Variants in RAB3IL1 observed in about 807,000 individuals in gnomAD.
The protein encoded by RAB3IL1 is guanine nucleotide exchange factor for Rab-3A.
In RAB3IL1, 37 loss-of-function variants were observed where a neutral mutation model predicts 49.2. The observed-to-expected ratio is 0.75, with a 90% confidence interval of 0.58 to 0.99. RAB3IL1 has a LOEUF of 0.99. Ranked by LOEUF, RAB3IL1 falls within the 50% of genes least tolerant of loss-of-function variation. The probability of loss-of-function intolerance (pLI) is 0.00; values close to 1 mark genes in which losing one functional copy is unlikely to be tolerated. For missense variants in RAB3IL1, 484 were observed against 513.0 expected (o/e 0.94, Z 0.55); for synonymous variants, 193 against 213.9 (o/e 0.90, Z 0.85).
the RAB3IL1 span, among the ~76,000 whole-genome samples, chr11:61,927,225 C>T: frequency 6.6e-6 from 1 of 152,128 alleles, no homozygotes; most frequent in Non-Finnish European, 1.5e-5. Flanking sequence ...TGCATGCCCC[C>T]CCCTTAACCT....
chr11:61,907,630 G>A lies in RAB3IL1; in HGVS notation c.295C>T (p.Arg99Trp), dbSNP rs1342632283. Reference sequence around the variant, plus strand: ...AGCTGCTCCCGCACCTTGGACAGCCGCTCACATTCCTCGTCCTTTAGCTTC... The same window carrying A: ...AGCTGCTCCCGCACCTTGGACAGCCACTCACATTCCTCGTCCTTTAGCTTC... ...ELKLKDEECE[R>W]LSKVREQLEQ... is the part of the protein sequence containing the mutation. Residue 99 changes from arginine (R) to tryptophan (W), a missense_variant, in exon 3 of 10, where the codon CGG becomes TGG. Transcript: ENST00000394836. The A allele has an allele frequency of 2.5e-6, 4 of 1,613,920 alleles. No homozygotes were observed. Among genetic ancestry groups the A allele is most frequent in the African/African-American group, 1.3e-5 (1 of 74,882 alleles).
chr11:61,926,800 G>A, the RAB3IL1 span, among the ~76,000 whole-genome samples: 3 of 151,902 alleles, frequency 2.0e-5, no homozygotes, highest in Admixed American at 6.6e-5. Context: ...TGATCTGCCC[G>A]CCTCGGCCTC....
upstream of RAB3IL1, among the ~76,000 whole-genome samples, chr11:61,919,007 C>T (rs1015127837): frequency 7.2e-5 from 11 of 152,224 alleles, no homozygotes; most frequent in Non-Finnish European, 1.3e-4. Flanking sequence ...CAGATGTCCA[C>T]ATGTGTTTGC....
chr11:61,939,977 A>G, the RAB3IL1 span, among the ~76,000 whole-genome samples: 1 of 150,720 alleles, frequency 6.6e-6, no homozygotes, highest in South Asian at 2.1e-4. Flanking sequence ...AAAAGGAACG[A>G]AAGTAGAAAA....
the RAB3IL1 span, among the ~76,000 whole-genome samples, chr11:61,941,844 G>A: frequency 2.6e-5 from 4 of 152,154 alleles, no homozygotes; most frequent in African/African-American, 9.7e-5. Flanking sequence ...CCAGCAACAT[G>A]TTAAAAAGAT....
the RAB3IL1 span, among the ~76,000 whole-genome samples, chr11:61,946,075 C>G: frequency 6.6e-6 from 1 of 152,190 alleles, no homozygotes; most frequent in African/African-American, 2.4e-5. Context: ...CTTCCGGGCC[C>G]TGGACTGGCA....
chr11:61,926,430 A>C, the RAB3IL1 span, among the ~76,000 whole-genome samples: 3 of 152,320 alleles, frequency 2.0e-5, no homozygotes, highest in South Asian at 6.2e-4. Context: ...TTGTCCCTCC[A>C]AATTTCACAT....
intron 1 of RAB3IL1, among the ~76,000 whole-genome samples, chr11:61,914,114 G>C (rs576692747): frequency 1.3e-5 from 2 of 152,164 alleles, no homozygotes; most frequent in African/African-American, 4.8e-5. Context: ...CTTGTCTCAC[G>C]GCCTCTAGTC....
the RAB3IL1 span, among the ~76,000 whole-genome samples, chr11:61,939,957 CAAA>C: frequency 8.2e-6 from 1 of 121,908 alleles, no homozygotes; most frequent in Non-Finnish European, 1.7e-5. Flanking sequence ...GACTCTGTCT[CAAA>C]AAAAAAAAAA....
At chr11:61,934,537 A>G in the RAB3IL1 span, among the ~76,000 whole-genome samples, 1 of 144,400 alleles carries the variant, frequency 6.9e-6, no homozygotes, top group Non-Finnish European at 1.5e-5. Context: ...TGCAAATGGT[A>G]TAGTAGAAAA....
the RAB3IL1 span, among the ~76,000 whole-genome samples, chr11:61,928,682 A>G: frequency 6.6e-6 from 1 of 152,220 alleles, no homozygotes; most frequent in African/African-American, 2.4e-5. Flanking sequence ...TGGAGCTAGG[A>G]CCCTCAAAGA....
At chr11:61,899,674 T>C in intron 8 of RAB3IL1, 1 of 376,628 alleles carries the variant, frequency 2.7e-6, no homozygotes, top group Non-Finnish European at 5.0e-6. Context: ...GGAAAGCCGC[T>C]GACATCCATC....
At chr11:61,946,177 G>C in the RAB3IL1 span, among the ~76,000 whole-genome samples, 3 of 152,076 alleles carry the variant, frequency 2.0e-5, no homozygotes, top group South Asian at 6.2e-4. Flanking sequence ...GCCCAAGAGA[G>C]GGGTGTGGGC....
chr11:61,902,448 C>T lies in RAB3IL1; in HGVS notation c.993G>A (p.Arg331=). ...KSHYYISPSS[R]ARITAVCNFF... is the part of the protein sequence containing the mutation. ...CTTGCAAAGGCTGACTCACCCTGGC[C>T]CGGGAAGATGGCGAGATGTAGTAAT... The change falls in exon 8 of 10, where the codon CGG becomes CGA. Residue 331 remains arginine (R), a synonymous_variant. Coordinates refer to ENST00000394836, the MANE Select transcript of RAB3IL1 (RefSeq NM_013401.4). 6.3e-7 allele frequency: 1 copy of T among 1,589,800 alleles called. No individual in the cohort carries two copies. The highest frequency in any genetic ancestry group is 8.5e-7 in the Non-Finnish European group (1 of 1,169,974).
chr11:61,941,814 C>T, the RAB3IL1 span, among the ~76,000 whole-genome samples: 13 of 152,068 alleles, frequency 8.5e-5, no homozygotes, highest in Admixed American at 8.5e-4. Flanking sequence ...TATCCTCAAC[C>T]AAATACTAGC....
intron 1 of RAB3IL1, among the ~76,000 whole-genome samples, chr11:61,912,930 C>T (rs1439891262): frequency 6.6e-6 from 1 of 151,988 alleles, no homozygotes; most frequent in African/African-American, 2.4e-5. Context: ...CAGGAAAAAG[C>T]AATAACAATA....
chr11:61,927,386 C>A, the RAB3IL1 span, among the ~76,000 whole-genome samples: 1 of 152,186 alleles, frequency 6.6e-6, no homozygotes, highest in African/African-American at 2.4e-5. Context: ...GCAAAACAGA[C>A]TAACACACAG....
Position 61,898,080 on chromosome 11 carries a change from C to T in RAB3IL1, c.*198G>A, listed in dbSNP as rs1938703271. ...AACCCAGTGGGGAAGAGAGGGGGGT[C>T]TTGCCGTGAAGTCCAGGCCCGTCTG... On this transcript the variant is annotated 3_prime_UTR_variant, in exon 10 of 10. Transcript: ENST00000394836. This position sits in a 1 kb window ranked among gnomAD's most constrained non-coding sequence, Gnocchi z 5.1. 1.7e-6 allele frequency: 1 copy of T among 576,758 alleles called. No homozygotes were observed. Among genetic ancestry groups the T allele is most frequent in the Admixed American group, 3.1e-5 (1 of 32,304 alleles). The allele number at this position is 576,758 out of a possible 1,614,324, so 35.7% of individuals were successfully genotyped here.
At chr11:61,933,870 A>G in the RAB3IL1 span, among the ~76,000 whole-genome samples, 1 of 152,092 alleles carries the variant, frequency 6.6e-6, no homozygotes, top group Non-Finnish European at 1.5e-5. Context: ...ACTTGAACCC[A>G]AGAGGTGCAG....
Sources: allele counts gnomAD v4.1 joint callset (sites outside exome capture counted in the v4.1 genomes callset), GRCh38; gene constraint gnomAD v4.1.1; non-coding constraint Gnocchi (gnomAD v3.1); transcripts MANE v1.5; gene names NCBI Gene and HGNC (gene_info 2026-07-23, HGNC 2026-07-21).